KCNK2: variants seen among roughly 807,000 people sequenced by gnomAD.
KCNK2 encodes potassium channel subfamily K member 2.
In KCNK2, 21 loss-of-function variants were observed where a neutral mutation model predicts 40.5. That is an observed-to-expected ratio of 0.52 (90% confidence interval 0.37 to 0.75). KCNK2 has a LOEUF of 0.75. Among genes scored for constraint, KCNK2 ranks in the 30% least tolerant of loss-of-function variants. KCNK2 has a pLI of 0.00. For missense variants in KCNK2, 399 were observed against 531.6 expected, an observed-to-expected ratio of 0.75 and a Z score of 2.45; for synonymous variants, 191 against 202.2, an observed-to-expected ratio of 0.94 and a Z score of 0.47.
chr1:215,174,038 C>A (rs1663841696), intron 5 of KCNK2, among the ~76,000 whole-genome samples: 1 of 152,140 alleles, frequency 6.6e-6, no homozygotes, highest in Non-Finnish European at 1.5e-5. Context: ...GACATCAAGT[C>A]CTTGCCCATG....
At chr1:215,096,582 C>T (rs1176700117) in intron 2 of KCNK2, among the ~76,000 whole-genome samples, 1 of 151,862 alleles carries the variant, frequency 6.6e-6, no homozygotes, top group Non-Finnish European at 1.5e-5. Flanking sequence ...ACTCATGAGT[C>T]CACTTGTGCT....
At chr1:215,183,338 A>AT (rs1251774480) in intron 5 of KCNK2, among the ~76,000 whole-genome samples, 4 of 152,080 alleles carry the variant, frequency 2.6e-5, no homozygotes, top group Non-Finnish European at 5.9e-5. Flanking sequence ...TACGTAAAAT[A>AT]TTTTTTTCTC....
At chr1:215,049,903 T>C (rs1172908763) in intron 1 of KCNK2, among the ~76,000 whole-genome samples, 1 of 152,178 alleles carries the variant, frequency 6.6e-6, no homozygotes, top group Admixed American at 6.5e-5. Flanking sequence ...TTAATTACTA[T>C]AGCATTATAA....
chr1:215,078,492 G>T (rs1437960131), upstream of KCNK2, among the ~76,000 whole-genome samples: 1 of 152,182 alleles, frequency 6.6e-6, no homozygotes, highest in African/African-American at 2.4e-5. Context: ...AGGGCAGCAG[G>T]AGAGAGAATC....
intron 3 of KCNK2, among the ~76,000 whole-genome samples, chr1:215,126,887 C>T (rs1661460427): frequency 6.6e-6 from 1 of 152,074 alleles, no homozygotes. Flanking sequence ...ACTGCATGGT[C>T]TTTTACTCTT....
chr1:215,178,223 A>G (rs1664068485), intron 5 of KCNK2, among the ~76,000 whole-genome samples: 1 of 152,152 alleles, frequency 6.6e-6, no homozygotes. Context: ...GTATCTTCAA[A>G]TGTTACTGAA....
At chr1:215,080,888 G>C (rs1210258133), upstream of KCNK2, among the ~76,000 whole-genome samples, 1 of 152,178 alleles carries the variant, frequency 6.6e-6, no homozygotes, top group Non-Finnish European at 1.5e-5. Context: ...AAGTGTTGCT[G>C]TGAAGGTGTT....
intron 2 of KCNK2, among the ~76,000 whole-genome samples, chr1:215,090,206 T>G (rs193029673): frequency 6.6e-6 from 1 of 152,336 alleles, no homozygotes. Flanking sequence ...GGCATTATTC[T>G]AACTATTTAC....
chr1:215,235,756 T>G lies in KCNK2; in HGVS notation c.*611T>G, dbSNP rs757382388. ...ATACCATACCTTGCTGGAAACAGTG[T>G]GTAAAATGACTGAAGTGATGATGCC... On this transcript the variant is annotated 3_prime_UTR_variant, in exon 7 of 7. Coordinates refer to ENST00000444842, the MANE Select transcript of KCNK2 (RefSeq NM_001017425.3). The G allele has an allele frequency of 1.3e-5, 2 of 152,594 alleles. No homozygotes were observed. Among genetic ancestry groups the G allele is most frequent in the Non-Finnish European group, 2.9e-5 (2 of 68,056 alleles). The allele number at this position is 152,594 out of a possible 1,614,324, so 9.5% of individuals were successfully genotyped here.
intron 3 of KCNK2, among the ~76,000 whole-genome samples, chr1:215,135,543 C>T (rs1277777815): frequency 6.6e-6 from 1 of 151,164 alleles, no homozygotes; most frequent in Non-Finnish European, 1.5e-5. Context: ...TTTCTTATAG[C>T]TTTAATTCAT....
chr1:215,194,918 T>A (rs773704506), intron 5 of KCNK2, 35 bp from the exon 6 acceptor site: 1 of 1,604,728 alleles, frequency 6.2e-7, no homozygotes, highest in Non-Finnish European at 8.5e-7. Context: ...TTTAAGACTA[T>A]GAAGTTATTT....
chr1:215,124,552 T>C (rs1168535415), intron 2 of KCNK2, 81 bp from the exon 3 acceptor site: 1 of 822,398 alleles, frequency 1.2e-6, no homozygotes, highest in Non-Finnish European at 2.1e-6. Flanking sequence ...GTCAAATAAG[T>C]CATTTCTGGG....
At chr1:215,125,775 T>TAA (rs1661402157) in intron 3 of KCNK2, among the ~76,000 whole-genome samples, 1 of 42,634 alleles carries the variant, frequency 2.3e-5, no homozygotes, top group Admixed American at 2.5e-4. Flanking sequence ...TATATATATA[T>TAA]ATAAAATAAA....
At chr1:215,216,117 C>G (rs1665946958) in intron 6 of KCNK2, among the ~76,000 whole-genome samples, 1 of 152,112 alleles carries the variant, frequency 6.6e-6, no homozygotes, top group Non-Finnish European at 1.5e-5. Flanking sequence ...TGCATGAATA[C>G]TCTGCATTAT....
chr1:215,101,525 A>T (rs192115926), intron 2 of KCNK2, among the ~76,000 whole-genome samples: 1 of 152,064 alleles, frequency 6.6e-6, no homozygotes, highest in Admixed American at 6.6e-5. Context: ...TGGTGGATCA[A>T]GACAGCTGTA....
In KCNK2 at chr1:215,154,736, C is replaced by A. The variant is rs948844904; in HGVS notation, c.476-14463C>A. On this transcript the variant is annotated intron_variant, in intron 3 of 6. Coordinates refer to ENST00000444842, the MANE Select transcript of KCNK2 (RefSeq NM_001017425.3). ...TTGGTCTTACGTTTAAGTCTTTAAT[C>A]CATCTTGAGTTAATTTTTGTATAAG... Among the ~76,000 whole-genome samples the A allele has an allele frequency of 2.0e-5, 3 of 152,066 alleles. No homozygotes were observed. In the South Asian group the frequency reaches 6.2e-4, roughly 32 times the overall value.
intron 3 of KCNK2, among the ~76,000 whole-genome samples, chr1:215,144,357 C>T (rs1366662264): frequency 6.6e-6 from 1 of 152,120 alleles, no homozygotes; most frequent in Admixed American, 6.6e-5. Flanking sequence ...GACCCAACTT[C>T]AGCTGTCATC....
At chr1:215,114,164 T>C (rs1344420733) in intron 2 of KCNK2, among the ~76,000 whole-genome samples, 2 of 152,176 alleles carry the variant, frequency 1.3e-5, no homozygotes, top group Non-Finnish European at 2.9e-5. Flanking sequence ...ACCAGCCTCA[T>C]GCTTATTATG....
rs1553277248 is a variant in KCNK2, at chr1:215,236,045, AATCTATCTATCTATCTATCTATCT to A, written c.*930_*953del. Reference sequence around the variant, plus strand: ...TACATTTTTAAAGGCAGAAGAAGAAAATCTATCTATCTATCTATCTATCTATCTATCTATCTATCTATCTATCTA... The same window carrying A: ...TACATTTTTAAAGGCAGAAGAAGAAAATCTATCTATCTATCTATCTATCTA... On this transcript the variant is annotated 3_prime_UTR_variant, in exon 7 of 7. Coordinates refer to ENST00000444842, the MANE Select transcript of KCNK2 (RefSeq NM_001017425.3). 1.4e-5 allele frequency: 2 copies of A among 144,302 alleles called. No homozygotes were observed. The highest frequency in any genetic ancestry group is 3.0e-5 in the Non-Finnish European group (2 of 66,166). The allele number at this position is 144,302 out of a possible 1,614,324, so 8.9% of individuals were successfully genotyped here.
Sources: allele counts gnomAD v4.1 joint callset (sites outside exome capture counted in the v4.1 genomes callset), GRCh38; gene constraint gnomAD v4.1.1; transcripts MANE v1.5; gene names NCBI Gene and HGNC (gene_info 2026-07-23, HGNC 2026-07-21).